CAPN1: variants seen among roughly 807,000 people sequenced by gnomAD.
The protein encoded by CAPN1 is calpain-1 catalytic subunit.
CAPN1 carries 77 observed loss-of-function variants against 105.2 expected under a neutral mutation model. The ratio of observed to expected loss-of-function variants is 0.73; its 90% CI spans 0.61 to 0.88. CAPN1 has a LOEUF of 0.88. Among genes scored for constraint, CAPN1 ranks in the 40% least tolerant of loss-of-function variants. The pLI is 0.00. For missense variants in CAPN1, 833 were observed against 976.6 expected (o/e 0.85, Z 1.96); for synonymous variants, 355 against 388.8 (o/e 0.91, Z 1.02).
chr11:65,207,199 C>CTT (rs34786351), intron 14 of CAPN1, among the ~76,000 whole-genome samples: 1,709 of 113,320 alleles, frequency 0.015, 108 homozygotes, highest in African/African-American at 0.056. Flanking sequence ...AAACTCTTGC[C>CTT]TTTTTTTTTT....
In CAPN1 at chr11:65,208,761, C is replaced by T. The variant is rs911787378; in HGVS notation, c.1729+499C>T. 2.7e-5 allele frequency: 6 copies of T among 226,202 alleles called. No individual in the cohort carries two copies. The highest frequency in any genetic ancestry group is 5.3e-5 in the Non-Finnish European group (6 of 112,228). 14.0% of individuals were successfully genotyped at this position (226,202 alleles called of 1,614,324 possible). ...CATCAGTGCACTCCAGCCTGGGCAACAGAGCAAGACCCTGTCTCAAAAAAA... is the reference window on the plus strand; with the variant it reads ...CATCAGTGCACTCCAGCCTGGGCAATAGAGCAAGACCCTGTCTCAAAAAAA... On this transcript the variant is annotated intron_variant, in intron 16 of 21. Transcript: ENST00000279247. The surrounding 1 kb of genome is among the most constrained non-coding windows in gnomAD (Gnocchi z 4.1).
chr11:65,196,330 CT>C (rs1948792248), intron 10 of CAPN1, among the ~76,000 whole-genome samples: 1 of 151,416 alleles, frequency 6.6e-6, no homozygotes, highest in Non-Finnish European at 1.5e-5. Context: ...TTTCTAGTTT[CT>C]TTTTTTAATT....
In CAPN1 at chr11:65,188,504, C is replaced by T. The variant is rs1948671548; in HGVS notation, c.1004+16C>T. The T allele has an allele frequency of 6.2e-7, 1 of 1,612,892 alleles. No homozygotes were observed. The highest frequency in any genetic ancestry group is 1.1e-5 in the South Asian group (1 of 90,892). ...GGGAGTTCTGGTGAGCGCCCCCTCC[C>T]CTTCTACCCCACCTCTCCACCCCTA... On this transcript the variant is annotated intron_variant, in intron 9 of 21. Coordinates refer to ENST00000279247, the MANE Select transcript of CAPN1 (RefSeq NM_005186.4). The surrounding 1 kb of genome is among the most constrained non-coding windows in gnomAD (Gnocchi z 5.5).
intron 10 of CAPN1, among the ~76,000 whole-genome samples, chr11:65,196,440 G>A (rs532366312): frequency 8.6e-5 from 13 of 151,954 alleles, no homozygotes; most frequent in Admixed American, 8.5e-4. Context: ...GATCAAATCA[G>A]GGTAATTGGG....
intron 4 of CAPN1, 43 bp from the exon 5 acceptor site, chr11:65,185,874 G>A (rs946571421): frequency 6.4e-6 from 10 of 1,552,622 alleles, no homozygotes; most frequent in East Asian, 2.4e-5. Context: ...GCTCAGGTCC[G>A]GGGGATTCCA....
At chr11:65,194,856 T>C (rs1196519639) in intron 10 of CAPN1, among the ~76,000 whole-genome samples, 3 of 152,184 alleles carry the variant, frequency 2.0e-5, no homozygotes, top group Admixed American at 6.5e-5. Flanking sequence ...CGTTTCAACA[T>C]ATGTTTTCAG....
intron 11 of CAPN1, 51 bp downstream of exon 11, chr11:65,204,909 G>T: frequency 6.6e-7 from 1 of 1,525,358 alleles, no homozygotes. Flanking sequence ...AGAGGACCTG[G>T]CGCCCCCGAC....
intron 10 of CAPN1, among the ~76,000 whole-genome samples, chr11:65,189,188 T>C (rs1948685592): frequency 6.6e-6 from 1 of 152,318 alleles, no homozygotes; most frequent in African/African-American, 2.4e-5. Context: ...ACCCAGCTAA[T>C]TTTTGTATTT....
intron 10 of CAPN1, among the ~76,000 whole-genome samples, chr11:65,201,593 C>T (rs1948870218): frequency 6.6e-6 from 1 of 152,132 alleles, no homozygotes; most frequent in Non-Finnish European, 1.5e-5. Flanking sequence ...TCTCGGCTCA[C>T]TGCAAGCTCC....
intron 4 of CAPN1, among the ~76,000 whole-genome samples, chr11:65,184,097 CCAAT>C (rs1948595175): frequency 1.3e-5 from 2 of 152,280 alleles, no homozygotes; most frequent in Non-Finnish European, 2.9e-5. Context: ...TCAAGTCACA[CCAAT>C]CAATTCTCAA....
Position 65,185,992 on chromosome 11 carries a change from G to T in CAPN1, c.532G>T (p.Val178Leu), listed in dbSNP as rs372952178. The change falls in exon 5 of 22, where the codon GTG becomes TTG. Residue 178 changes from valine to leucine, a missense_variant. Coordinates refer to ENST00000279247, the MANE Select transcript of CAPN1 (RefSeq NM_005186.4). ...LPIKDGKLVF[V>L]HSAEGNEFWS... The stretch of plus-strand genomic sequence containing the variant: ...CATCAAGGACGGGAAGCTAGTGTTC[G>T]TGCACTCTGCCGAAGGCAACGAGTT... 6.0e-5 allele frequency: 96 copies of T among 1,607,390 alleles called. No homozygotes were observed. The Middle Eastern group carries it at 1.2e-3, about 19-fold the overall frequency.
chr11:65,209,982 ACT>A lies in CAPN1; in HGVS notation c.1864-34_1864-33del. 1 of 1,610,826 alleles carries A rather than the reference ACT, an allele frequency of 6.2e-7. No individual in the cohort carries two copies. Among genetic ancestry groups the A allele is most frequent in the South Asian group, 1.1e-5 (1 of 91,028 alleles). On this transcript the variant is annotated intron_variant, in intron 18 of 21. Transcript: ENST00000279247. The surrounding 1 kb of genome is among the most constrained non-coding windows in gnomAD (Gnocchi z 4.1). ...CCGGGCAGGTGGGAAGGGCCGGGTGACTCAGCCTGGCCCTCACCCTCTGCCGC... is the reference window on the plus strand; with the variant it reads ...CCGGGCAGGTGGGAAGGGCCGGGTGACAGCCTGGCCCTCACCCTCTGCCGC...
intron 10 of CAPN1, among the ~76,000 whole-genome samples, chr11:65,189,314 C>G (rs1270031468): frequency 6.6e-6 from 1 of 152,242 alleles, no homozygotes; most frequent in Admixed American, 6.5e-5. Context: ...CGCCACTGTG[C>G]CAGGTCCCTT....
chr11:65,188,264 C>A lies in CAPN1; in HGVS notation c.930-150C>A, dbSNP rs563952971. 14 of 740,744 alleles carry A rather than the reference C, an allele frequency of 1.9e-5. No individual in the cohort carries two copies. Among genetic ancestry groups the A allele is most frequent in the Non-Finnish European group, 3.1e-5 (14 of 452,032 alleles). The allele number at this position is 740,744 out of a possible 1,614,324, so 45.9% of individuals were successfully genotyped here. A position where few individuals can be genotyped will look rare whatever the true frequency, so the allele number is the denominator to read the frequency against. ...GGGCATCAGACTGGCCCTGATGAGA[C>A]CACCCCCTAGAAGCGGAACCTTGGC... On this transcript the variant is annotated intron_variant, in intron 8 of 21. Transcript: ENST00000279247. The surrounding 1 kb of genome is among the most constrained non-coding windows in gnomAD (Gnocchi z 5.5).
chr11:65,183,715 C>T (rs1212890841), intron 4 of CAPN1, 123 bp downstream of exon 4: 1 of 663,926 alleles, frequency 1.5e-6, no homozygotes, highest in East Asian at 2.7e-5. Flanking sequence ...AGGTATTTGA[C>T]CTCTCAGTGC....
chr11:65,207,965 C>A, intron 14 of CAPN1, 90 bp from the exon 15 acceptor site: 1 of 842,156 alleles, frequency 1.2e-6, no homozygotes, highest in South Asian at 1.6e-5. Context: ...TGACTTGTAG[C>A]AGATATGTGA....
In CAPN1 at chr11:65,188,312, TG is replaced by T; in HGVS notation, c.930-99del. ...GGCGCTTGACCTTGAGGAGGCCACC[TG>T]GGCTGGGCCGGGGGAAGACAGGCCA... is the stretch of plus-strand genomic sequence containing the variant. On this transcript the variant is annotated intron_variant, in intron 8 of 21. Transcript: ENST00000279247. The surrounding 1 kb of genome is among the most constrained non-coding windows in gnomAD (Gnocchi z 5.5). 1.8e-6 allele frequency: 2 copies of T among 1,095,786 alleles called. No individual in the cohort carries two copies. The highest frequency in any genetic ancestry group is 2.7e-6 in the Non-Finnish European group (2 of 753,214). The allele number at this position is 1,095,786 out of a possible 1,614,324, so 67.9% of individuals were successfully genotyped here.
In CAPN1 at chr11:65,206,464, T is replaced by C. The variant is rs764490649; in HGVS notation, c.1355T>C (p.Leu452Pro). 1.2e-6 allele frequency: 2 copies of C among 1,612,582 alleles called. No individual in the cohort carries two copies. Among genetic ancestry groups the C allele is most frequent in the East Asian group, 2.2e-5 (1 of 44,840 alleles). The change falls in exon 13 of 22, where the codon CTG becomes CCG. Residue 452 changes from leucine to proline, a missense_variant and splice_region_variant. Coordinates refer to ENST00000279247, the MANE Select transcript of CAPN1 (RefSeq NM_005186.4). ...CTGCTCCCTCCTCCCTCCCACCAGC[T>C]GGTGGGCCAGCCGGCCGTACACTTG... ...GFAVYEVPPE[L>P]VGQPAVHLKR...
At position 65,208,234 on chromosome 11, in the gene CAPN1, G is replaced by T; in HGVS notation, c.1701G>T (p.Arg567=). 1 of 1,573,380 alleles carries T rather than the reference G, an allele frequency of 6.4e-7. No homozygotes were observed. Among genetic ancestry groups the T allele is most frequent in the Admixed American group, 1.9e-5 (1 of 53,616 alleles). ...TGGAGATCAGCGTGAAGGAGTTGCG[G>T]ACAATCCTCAATAGGATCATCAGCA... is the stretch of plus-strand genomic sequence containing the variant. The part of the protein sequence containing the change: ...EDMEISVKEL[R]TILNRIISKH... The change falls in exon 16 of 22, where the codon CGG becomes CGT. Residue 567 remains arginine, a synonymous_variant. Coordinates refer to ENST00000279247, the MANE Select transcript of CAPN1 (RefSeq NM_005186.4). The surrounding 1 kb of genome is among the most constrained non-coding windows in gnomAD (Gnocchi z 4.1).
Sources: gnomAD v4.1 joint callset for allele counts (sites outside exome capture counted in the v4.1 genomes callset) on GRCh38, gnomAD v4.1.1 for gene constraint, Gnocchi (gnomAD v3.1) non-coding constraint, MANE v1.5 for transcripts, NCBI Gene and HGNC (gene_info 2026-07-23, HGNC 2026-07-21) for gene names.